NDUFB5: variants seen among roughly 807,000 people sequenced by gnomAD.
The protein encoded by NDUFB5 is NADH:ubiquinone oxidoreductase subunit B5.
Under a neutral mutation model 19.4 loss-of-function variants are expected in NDUFB5, and 19 were observed. That is an observed-to-expected ratio of 0.98 (90% CI 0.68 to 1.43). The LOEUF is 1.43. NDUFB5 is among the 40% of genes most tolerant of loss of function. The probability of loss-of-function intolerance (pLI) is 0.00; values close to 1 mark genes in which losing one functional copy is unlikely to be tolerated. For synonymous variants in NDUFB5, 80 were observed against 82.6 expected (o/e 0.97, Z 0.17); for missense variants, 233 against 236.5 (o/e 0.99, Z 0.10).
At chr3:179,608,006 T>G (rs997326629) in intron 1 of NDUFB5, among the ~76,000 whole-genome samples, 1 of 152,122 alleles carries the variant, frequency 6.6e-6, no homozygotes, top group East Asian at 1.9e-4. Context: ...GTTTGTTTGT[T>G]TGTTTTGTTT....
chr3:179,626,689 C>G lies in NDUFB5; in HGVS notation c.*2649C>G, dbSNP rs961914741. ...GGGATTACAGGTGTGCACCACCACACCCAGCTAATTTTTTTGTATTTTTAG... is the reference window on the plus strand; with the variant it reads ...GGGATTACAGGTGTGCACCACCACAGCCAGCTAATTTTTTTGTATTTTTAG... On this transcript the variant is annotated 3_prime_UTR_variant, in exon 6 of 6. Transcript: ENST00000259037. 6.6e-6 allele frequency: 1 copy of G among 152,048 alleles called. No individual in the cohort carries two copies. Among genetic ancestry groups the G allele is most frequent in the African/African-American group, 2.4e-5 (1 of 41,384 alleles). The allele number at this position is 152,048 out of a possible 1,614,324, so 9.4% of individuals were successfully genotyped here.
rs745307710 is a variant in NDUFB5 at position 179,618,521 on chromosome 3, G to A, written c.449G>A (p.Arg150Gln). The A allele has an allele frequency of 1.6e-5, 25 of 1,603,860 alleles. No homozygotes were observed. The highest frequency in any genetic ancestry group is 2.0e-5 in the Non-Finnish European group (24 of 1,174,432). The change falls in exon 5 of 6, where the codon CGG becomes CAG. Residue 150 changes from arginine to glutamine, a missense_variant and splice_region_variant. Coordinates refer to ENST00000259037, the MANE Select transcript of NDUFB5 (RefSeq NM_002492.4). ...LQIEAEKAEL[R>Q]VKELEVRKLM... ...ATTGAAGCTGAAAAGGCTGAATTAC[G>A]GTAGGAAAAACGAGGGGGTAGGTGG...
chr3:179,607,074 AT>A (rs774650900), intron 1 of NDUFB5, among the ~76,000 whole-genome samples: 34 of 152,064 alleles, frequency 2.2e-4, no homozygotes, highest in Non-Finnish European at 4.4e-4. Context: ...CTGCAGCAAA[AT>A]TTCACCCCCA....
chr3:179,604,957 G>A lies in NDUFB5; in HGVS notation c.124+18G>A, dbSNP rs1268988209. 1 of 1,548,418 alleles carries A rather than the reference G, an allele frequency of 6.5e-7. No homozygotes were observed. Among genetic ancestry groups the A allele is most frequent in the Non-Finnish European group, 8.7e-7 (1 of 1,152,976 alleles). ...GGCTGCTGGTGGGTGCTGGCCTAGG[G>A]AGAACGGGCGTGAAGCGGGTGCGGG... On this transcript the variant is annotated intron_variant, in intron 1 of 5. Coordinates refer to ENST00000259037, the MANE Select transcript of NDUFB5 (RefSeq NM_002492.4).
chr3:179,621,311 C>G (rs899275228), intron 5 of NDUFB5, among the ~76,000 whole-genome samples: 20 of 152,080 alleles, frequency 1.3e-4, no homozygotes, highest in Non-Finnish European at 2.9e-5. Flanking sequence ...CACCTGGGTT[C>G]AAGCGATCCA....
rs911719720 is a variant in NDUFB5, at chr3:179,625,437, T to G, written c.*1397T>G. On this transcript the variant is annotated 3_prime_UTR_variant, in exon 6 of 6. Coordinates refer to ENST00000259037, the MANE Select transcript of NDUFB5 (RefSeq NM_002492.4). Reference sequence around the variant, plus strand: ...CATTCAACAAATAACTTTATTATTTTTATTGATAATGTACTTGTAATGTGC... The same window carrying G: ...CATTCAACAAATAACTTTATTATTTGTATTGATAATGTACTTGTAATGTGC... 4 of 152,206 alleles carry G rather than the reference T, an allele frequency of 2.6e-5. No homozygotes were observed. The highest frequency in any genetic ancestry group is 9.6e-5 in the African/African-American group (4 of 41,454). The allele number at this position is 152,206 out of a possible 1,614,324, so 9.4% of individuals were successfully genotyped here.
At chr3:179,618,327 C>A in intron 4 of NDUFB5, 88 bp from the exon 5 acceptor site, 2 of 778,314 alleles carry the variant, frequency 2.6e-6, no homozygotes, top group African/African-American at 1.8e-5. Context: ...GTTTATCTAA[C>A]TGAAATGATC....
intron 3 of NDUFB5, 106 bp from the exon 4 acceptor site, chr3:179,616,877 A>G: frequency 1.3e-6 from 1 of 785,798 alleles, no homozygotes; most frequent in Non-Finnish European, 2.1e-6. Context: ...AATTTTTTAA[A>G]GAATCCTTTA....
rs1189459288 is a variant in NDUFB5 at position 179,627,211 on chromosome 3, G to T, written c.*3171G>T. 1 of 152,162 alleles carries T rather than the reference G, an allele frequency of 6.6e-6. No individual in the cohort carries two copies. Among genetic ancestry groups the T allele is most frequent in the East Asian group, 1.9e-4 (1 of 5,188 alleles). 9.4% of individuals were successfully genotyped at this position (152,162 alleles called of 1,614,324 possible). ...ATTGTTGTTAGAAAAGGAATTAAAA[G>T]AAATCAAAGAGTGTGTAAGCAGAAA... On this transcript the variant is annotated 3_prime_UTR_variant, in exon 6 of 6. Coordinates refer to ENST00000259037, the MANE Select transcript of NDUFB5 (RefSeq NM_002492.4).
chr3:179,605,891 A>G (rs908365919), intron 1 of NDUFB5, among the ~76,000 whole-genome samples: 36 of 151,920 alleles, frequency 2.4e-4, no homozygotes, highest in African/African-American at 8.0e-4. Context: ...CCCCGGGTTC[A>G]AGCGATTCTC....
chr3:179,609,332 GATTT>G, intron 1 of NDUFB5, among the ~76,000 whole-genome samples: 1 of 152,308 alleles, frequency 6.6e-6, no homozygotes, highest in East Asian at 1.9e-4. Context: ...ACAGAGGACA[GATTT>G]ATTAGAGAAA....
intron 1 of NDUFB5, 149 bp downstream of exon 1, chr3:179,605,088 A>G (rs1719045642): frequency 4.1e-6 from 5 of 1,208,616 alleles, no homozygotes; most frequent in East Asian, 5.8e-5. Flanking sequence ...CACGAGCTAT[A>G]TGAGGGGTTT....
intron 5 of NDUFB5, among the ~76,000 whole-genome samples, chr3:179,621,434 A>G (rs978501461): frequency 1.3e-5 from 2 of 151,954 alleles, no homozygotes; most frequent in African/African-American, 4.8e-5. Context: ...TTTGCAACAC[A>G]GAAGTGTTTT....
intron 1 of NDUFB5, among the ~76,000 whole-genome samples, chr3:179,610,183 C>G (rs907612800): frequency 2.0e-5 from 3 of 152,196 alleles, no homozygotes; most frequent in African/African-American, 7.2e-5. Flanking sequence ...GCCTCAACCT[C>G]CTAGACTCAG....
In NDUFB5 at chr3:179,624,346, C is replaced by A. The variant is rs1038861000; in HGVS notation, c.*306C>A. 2 of 221,418 alleles carry A rather than the reference C, an allele frequency of 9.0e-6. No individual in the cohort carries two copies. Among genetic ancestry groups the A allele is most frequent in the South Asian group, 7.8e-5 (1 of 12,826 alleles). The allele number at this position is 221,418 out of a possible 1,614,324, so 13.7% of individuals were successfully genotyped here. ...TATAGAAGTCTAATAATGTTAAGCA[C>A]CAGTAATTATAGTATTTTGTACAAA... On this transcript the variant is annotated 3_prime_UTR_variant, in exon 6 of 6. Coordinates refer to ENST00000259037, the MANE Select transcript of NDUFB5 (RefSeq NM_002492.4).
chr3:179,618,441 T>C lies in NDUFB5; in HGVS notation c.369T>C (p.Arg123=). Reference sequence around the variant, plus strand: ...ATCCCATATCAAGATGGATTGCCCGTAATTTCTATGATAGTCCTGAAAAGA... The same window carrying C: ...ATCCCATATCAAGATGGATTGCCCGCAATTTCTATGATAGTCCTGAAAAGA... The part of the protein sequence containing the change: ...YKHPISRWIA[R]NFYDSPEKIY... Residue 123 remains arginine (R), a synonymous_variant, in exon 5 of 6, where the codon CGT becomes CGC. Transcript: ENST00000259037. The C allele has an allele frequency of 6.2e-7, 1 of 1,610,256 alleles. No homozygotes were observed. Among genetic ancestry groups the C allele is most frequent in the South Asian group, 1.1e-5 (1 of 89,888 alleles).
intron 4 of NDUFB5, 51 bp downstream of exon 4, chr3:179,617,095 A>G (rs140233917): frequency 1.9e-5 from 25 of 1,329,678 alleles, no homozygotes; most frequent in Non-Finnish European, 2.3e-5. Context: ...TTGTCAACGC[A>G]CTAGTTAATG....
rs1212313319 is a variant in NDUFB5, at chr3:179,612,168, G to A, written c.125-2803G>A. 2.0e-5 allele frequency among the ~76,000 whole-genome samples: 3 copies of A among 151,770 alleles called. No homozygotes were observed. In the East Asian group the frequency reaches 5.9e-4, roughly 30 times the overall value. ...ATGGCCCTACTACATCAACAATCCTGAAGGCTCAAAACATTTAAAAAGAGT... is the reference window on the plus strand; with the variant it reads ...ATGGCCCTACTACATCAACAATCCTAAAGGCTCAAAACATTTAAAAAGAGT... On this transcript the variant is annotated intron_variant, in intron 1 of 5. Coordinates refer to ENST00000259037, the MANE Select transcript of NDUFB5 (RefSeq NM_002492.4).
intron 3 of NDUFB5, 116 bp from the exon 4 acceptor site, chr3:179,616,867 A>G: frequency 2.8e-6 from 2 of 721,868 alleles, no homozygotes; most frequent in African/African-American, 1.8e-5. Context: ...CATTGGTACA[A>G]ATTTTTTAAA....
Sources: gnomAD v4.1 joint callset for allele counts (sites outside exome capture counted in the v4.1 genomes callset) on GRCh38, gnomAD v4.1.1 for gene constraint, MANE v1.5 for transcripts, NCBI Gene and HGNC (gene_info 2026-07-23, HGNC 2026-07-21) for gene names.